SDK2: variants seen among roughly 807,000 people sequenced by gnomAD.
SDK2 encodes protein sidekick-2.
SDK2 carries 105 observed loss-of-function variants against 253.9 expected under a neutral mutation model. The ratio of observed to expected loss-of-function variants is 0.41; its 90% CI spans 0.35 to 0.49. The LOEUF (loss-of-function observed/expected upper bound fraction) is 0.49, where lower values mean the gene tolerates loss of function less well. Among genes scored for constraint, SDK2 ranks in the 20% least tolerant of loss-of-function variants. The probability of loss-of-function intolerance (pLI) is 0.06; values close to 1 mark genes in which losing one functional copy is unlikely to be tolerated. For missense variants in SDK2, 2,608 were observed against 3,003.0 expected (o/e 0.87, Z 3.07); for synonymous variants, 1,249 against 1,234.9 (o/e 1.01, Z -0.24).
In SDK2 at chr17:73,399,293, G is replaced by A; in HGVS notation, c.2972-4C>T. ...TTGGTGGGGGGCCCTGGGAGTTCTG[G>A]AAAAGGAGAACAGGGTGGGGAAGGA... is the stretch of plus-strand genomic sequence containing the variant. On this transcript the variant is annotated splice_region_variant and splice_polypyrimidine_tract_variant and intron_variant, in intron 21 of 44. Transcript: ENST00000392650. The A allele has an allele frequency of 6.2e-7, 1 of 1,613,740 alleles. No homozygotes were observed. Among genetic ancestry groups the A allele is most frequent in the East Asian group, 2.2e-5 (1 of 44,868 alleles).
rs2063324005 is a variant in SDK2, at chr17:73,431,321, G to T, written c.1480+181C>A. Among the ~76,000 whole-genome samples, 1 of 152,130 alleles carries T rather than the reference G, an allele frequency of 6.6e-6. No individual in the cohort carries two copies. Among genetic ancestry groups the T allele is most frequent in the Non-Finnish European group, 1.5e-5 (1 of 68,030 alleles). ...ACCGGCAGAATCTTCCTAGTCCCTG[G>T]CCTCTGAACCACTTTGTCACTGTCC... is the stretch of plus-strand genomic sequence containing the variant. On this transcript the variant is annotated intron_variant, in intron 11 of 44. Transcript: ENST00000392650. This position sits in a 1 kb window ranked among gnomAD's most constrained non-coding sequence, Gnocchi z 5.6.
intron 14 of SDK2, among the ~76,000 whole-genome samples, chr17:73,423,054 T>A (rs1723318538): frequency 1.0e-5 from 1 of 99,516 alleles, no homozygotes; most frequent in African/African-American, 3.5e-5. Context: ...AATAAATAAA[T>A]AAAATGCAAT....
intron 1 of SDK2, among the ~76,000 whole-genome samples, chr17:73,581,989 C>T (rs2045540825): frequency 6.6e-6 from 1 of 152,212 alleles, no homozygotes. Flanking sequence ...TCTACCTCAC[C>T]CAGGGTGAGA....
chr17:73,604,145 G>A (rs1355385866), intron 1 of SDK2, among the ~76,000 whole-genome samples: 1 of 152,240 alleles, frequency 6.6e-6, no homozygotes, highest in South Asian at 2.1e-4. Flanking sequence ...GCGAGGCTAG[G>A]AGTGGTTTCC....
At chr17:73,611,387 G>A (rs1567872437) in intron 1 of SDK2, among the ~76,000 whole-genome samples, 2 of 152,196 alleles carry the variant, frequency 1.3e-5, no homozygotes, top group Non-Finnish European at 2.9e-5. Flanking sequence ...TGTGGAGCAC[G>A]CCCCAGGGCC....
At chr17:73,461,052 T>A (rs1373104617) in intron 3 of SDK2, among the ~76,000 whole-genome samples, 1 of 152,220 alleles carries the variant, frequency 6.6e-6, no homozygotes, top group Admixed American at 6.5e-5. Flanking sequence ...GCCCTCCCCA[T>A]GCCATCCCTC....
At chr17:73,454,567 C>T (rs969337376) in intron 4 of SDK2, among the ~76,000 whole-genome samples, 2 of 152,200 alleles carry the variant, frequency 1.3e-5, no homozygotes, top group Admixed American at 6.5e-5. Flanking sequence ...GGAAGGAGAA[C>T]GAGATTGAGA....
At chr17:73,565,103 C>G (rs2045293805) in intron 1 of SDK2, among the ~76,000 whole-genome samples, 1 of 152,166 alleles carries the variant, frequency 6.6e-6, no homozygotes, top group African/African-American at 2.4e-5. Context: ...GTGGCTAAAT[C>G]CAGATAGAAA....
At position 73,380,968 on chromosome 17, in the gene SDK2, C is replaced by CCCCTGGTTTAACTGGGTTTGGGGGGGGG; in HGVS notation, c.4706-19_4706-18insCCCCCCCCCAAACCCAGTTAAACCAGGG. The CCCCTGGTTTAACTGGGTTTGGGGGGGGG allele has an allele frequency of 1.6e-6, 1 of 618,860 alleles. No individual in the cohort carries two copies. Among genetic ancestry groups the CCCCTGGTTTAACTGGGTTTGGGGGGGGG allele is most frequent in the Non-Finnish European group, 2.8e-6 (1 of 353,938 alleles). The allele number at this position is 618,860 out of a possible 1,614,324, so 38.3% of individuals were successfully genotyped here. On this transcript the variant is annotated intron_variant, in intron 33 of 44. Transcript: ENST00000392650. ...GTACATGGCTATGGGGTGGGGGTGCCGGGGCGGGGGCGCAGAGGGAGACAG... is the reference window on the plus strand; with the variant it reads ...GTACATGGCTATGGGGTGGGGGTGCCCCCTGGTTTAACTGGGTTTGGGGGGGGGGGGGCGGGGGCGCAGAGGGAGACAG...
intron 1 of SDK2, among the ~76,000 whole-genome samples, chr17:73,544,745 A>T (rs1338880747): frequency 6.6e-6 from 1 of 152,216 alleles, no homozygotes; most frequent in Non-Finnish European, 1.5e-5. Flanking sequence ...GGGAGGAAAC[A>T]GATCATGGAG....
At chr17:73,501,273 CACATTAGACTCCAT>C (rs1291850117) in intron 2 of SDK2, among the ~76,000 whole-genome samples, 2 of 145,578 alleles carry the variant, frequency 1.4e-5, no homozygotes, top group Non-Finnish European at 3.0e-5. Flanking sequence ...TTTTAGCAGA[CACATTAGACTCCAT>C]ACATTAGACT....
At chr17:73,637,870 G>A (rs769888728) in intron 1 of SDK2, among the ~76,000 whole-genome samples, 1 of 152,226 alleles carries the variant, frequency 6.6e-6, no homozygotes, top group African/African-American at 2.4e-5. Flanking sequence ...CCCAGGGGCT[G>A]CCCAACCCAG....
In SDK2 at chr17:73,435,378, G is replaced by GT. The variant is rs1216851044; in HGVS notation, c.1195+71_1195+72insA. ...ACGTGCTATGCACAAGAGGCCCCTC[G>GT]GAAGACCTTGGAAGAAAGCTGCGTC... On this transcript the variant is annotated intron_variant, in intron 9 of 44. Transcript: ENST00000392650. The surrounding 1 kb of genome is among the most constrained non-coding windows in gnomAD (Gnocchi z 5.7). 1 of 1,427,046 alleles carries GT rather than the reference G, an allele frequency of 7.0e-7. No homozygotes were observed. Among genetic ancestry groups the GT allele is most frequent in the Non-Finnish European group, 9.5e-7 (1 of 1,057,312 alleles). 88.4% of individuals were successfully genotyped at this position (1,427,046 alleles called of 1,614,324 possible).
At chr17:73,398,872 T>C (rs954982801) in intron 22 of SDK2, among the ~76,000 whole-genome samples, 4 of 152,118 alleles carry the variant, frequency 2.6e-5, no homozygotes, top group Non-Finnish European at 2.9e-5. Context: ...AACGCTCCCC[T>C]GATGATTCCA....
At chr17:73,611,949 A>C (rs1040385483) in intron 1 of SDK2, among the ~76,000 whole-genome samples, 2 of 152,074 alleles carry the variant, frequency 1.3e-5, no homozygotes, top group African/African-American at 4.8e-5. Flanking sequence ...GCAGGACCCC[A>C]ACGTGTGCTG....
intron 2 of SDK2, among the ~76,000 whole-genome samples, chr17:73,502,304 C>G (rs888658441): frequency 1.1e-4 from 16 of 152,122 alleles, no homozygotes; most frequent in African/African-American, 3.9e-4. Context: ...TTACTCAGAG[C>G]CTGGGGTTTG....
intron 12 of SDK2, among the ~76,000 whole-genome samples, chr17:73,426,659 CT>C (rs2063286558): frequency 2.0e-5 from 3 of 152,104 alleles, no homozygotes; most frequent in Admixed American, 6.6e-5. Flanking sequence ...CTTTTAATAC[CT>C]ATTTACAAAT....
chr17:73,516,346 G>A (rs1437659821), intron 1 of SDK2, among the ~76,000 whole-genome samples: 2 of 152,234 alleles, frequency 1.3e-5, no homozygotes, highest in Non-Finnish European at 2.9e-5. Context: ...TTCGGCCCCT[G>A]CCCTTCAGAA....
In SDK2 at chr17:73,435,648, TG is replaced by T; in HGVS notation, c.1001-5del. 6.5e-7 allele frequency: 1 copy of T among 1,548,890 alleles called. No individual in the cohort carries two copies. ...GTGATGGAGGGCGGCGGCACACCTG[TG>T]GGCAAGACGTGGGCCCACCGTCAAC... is the stretch of plus-strand genomic sequence containing the variant. On this transcript the variant is annotated splice_region_variant and splice_polypyrimidine_tract_variant and intron_variant, in intron 8 of 44. Coordinates refer to ENST00000392650, the MANE Select transcript of SDK2 (RefSeq NM_001144952.2). This position sits in a 1 kb window ranked among gnomAD's most constrained non-coding sequence, Gnocchi z 5.7.
Sources: allele counts gnomAD v4.1 joint callset (sites outside exome capture counted in the v4.1 genomes callset), GRCh38; gene constraint gnomAD v4.1.1; non-coding constraint Gnocchi (gnomAD v3.1); transcripts MANE v1.5; gene names NCBI Gene and HGNC (gene_info 2026-07-23, HGNC 2026-07-21).